FSTL5: variants seen among roughly 807,000 people sequenced by gnomAD.
FSTL5 encodes follistatin-related protein 5.
In FSTL5, 62 loss-of-function variants were observed where a neutral mutation model predicts 89.1. That is an observed-to-expected ratio of 0.70 (90% CI 0.57 to 0.86). The LOEUF is 0.86. Among genes scored for constraint, FSTL5 ranks in the 40% least tolerant of loss-of-function variants. The pLI, the probability that FSTL5 is intolerant of heterozygous loss-of-function variation, is 0.00. For missense variants in FSTL5, 1,057 were observed against 1,001.6 expected, an observed-to-expected ratio of 1.06 and a Z score of -0.75; for synonymous variants, 383 against 346.2, an observed-to-expected ratio of 1.11 and a Z score of -1.18.
At chr4:161,398,443 A>G (rs1218946308) in intron 15 of FSTL5, among the ~76,000 whole-genome samples, 3 of 152,132 alleles carry the variant, frequency 2.0e-5, no homozygotes, top group African/African-American at 7.2e-5. Flanking sequence ...TAATTGCTTC[A>G]GTAAATAATC....
chr4:161,522,431 A>C (rs16999327), intron 10 of FSTL5, among the ~76,000 whole-genome samples: 4 of 152,118 alleles, frequency 2.6e-5, no homozygotes, highest in Admixed American at 2.0e-4. Flanking sequence ...CAAGACTTTG[A>C]GAATAGGATA....
intron 7 of FSTL5, among the ~76,000 whole-genome samples, chr4:161,614,626 C>A (rs966535236): frequency 1.3e-5 from 2 of 152,146 alleles, no homozygotes; most frequent in African/African-American, 4.8e-5. Flanking sequence ...TTGCATGATA[C>A]ATGCACATGA....
At chr4:161,761,957 A>G (rs573780360) in intron 5 of FSTL5, among the ~76,000 whole-genome samples, 2 of 152,254 alleles carry the variant, frequency 1.3e-5, no homozygotes, top group Non-Finnish European at 2.9e-5. Flanking sequence ...CCTGAGGGGA[A>G]GCTTTGTCAC....
intron 2 of FSTL5, among the ~76,000 whole-genome samples, chr4:162,094,240 A>G (rs979319607): frequency 3.3e-5 from 5 of 152,102 alleles, no homozygotes; most frequent in Admixed American, 2.0e-4. Flanking sequence ...ACAAAAAATT[A>G]GCTGGGCGTG....
intron 15 of FSTL5, among the ~76,000 whole-genome samples, chr4:161,451,929 G>C (rs1465277920): frequency 6.6e-6 from 1 of 152,150 alleles, no homozygotes; most frequent in Non-Finnish European, 1.5e-5. Flanking sequence ...GTGTCAAGAA[G>C]CTTTTCAGAC....
intron 3 of FSTL5, among the ~76,000 whole-genome samples, chr4:162,006,109 ATAT>A (rs1418384660): frequency 2.0e-5 from 3 of 151,934 alleles, no homozygotes; most frequent in Non-Finnish European, 2.9e-5. Flanking sequence ...TTTTTTTAAA[ATAT>A]TATAAGTAAG....
In FSTL5 at chr4:161,511,720, T is replaced by A. The variant is rs147339195; in HGVS notation, c.1313-1296A>T. Among the ~76,000 whole-genome samples the A allele has an allele frequency of 2.6e-4, 39 of 152,092 alleles. 3 individuals carry two copies. In the East Asian group the frequency reaches 7.3e-3, roughly 29 times the overall value. ...GACAAATCTTATTCTCAAGGAGAGGTTATAGACATAGGAGGAAAGAGAACA... is the reference window on the plus strand; with the variant it reads ...GACAAATCTTATTCTCAAGGAGAGGATATAGACATAGGAGGAAAGAGAACA... On this transcript the variant is annotated intron_variant, in intron 10 of 15. Transcript: ENST00000306100.
chr4:161,959,816 T>C (rs540136336), intron 3 of FSTL5, among the ~76,000 whole-genome samples: 5 of 152,124 alleles, frequency 3.3e-5, no homozygotes, highest in Non-Finnish European at 7.4e-5. Context: ...AATTAGCCTT[T>C]AATACAAACA....
At chr4:161,814,742 C>G (rs1415191487) in intron 4 of FSTL5, among the ~76,000 whole-genome samples, 1 of 152,058 alleles carries the variant, frequency 6.6e-6, no homozygotes, top group Admixed American at 6.6e-5. Context: ...TATCTCATAT[C>G]CTGCTGCCAA....
intron 6 of FSTL5, among the ~76,000 whole-genome samples, chr4:161,665,391 G>A (rs997628195): frequency 2.6e-5 from 4 of 151,898 alleles, no homozygotes; most frequent in African/African-American, 4.8e-5. Flanking sequence ...CCGCTACCTC[G>A]CCTGGCTAAT....
chr4:161,779,239 A>C (rs1741532319), intron 4 of FSTL5, among the ~76,000 whole-genome samples: 1 of 152,308 alleles, frequency 6.6e-6, no homozygotes, highest in South Asian at 2.1e-4. Flanking sequence ...CCAGTCCAGA[A>C]ATTGGGGTAG....
chr4:161,757,684 T>C (rs1740626057), intron 6 of FSTL5, among the ~76,000 whole-genome samples: 1 of 152,188 alleles, frequency 6.6e-6, no homozygotes, highest in African/African-American at 2.4e-5. Flanking sequence ...AATTGCGTGA[T>C]CTTGGCTCAC....
In FSTL5 at chr4:161,660,151, T is replaced by A. The variant is rs545924469; in HGVS notation, c.728-3657A>T. Among the ~76,000 whole-genome samples the A allele has an allele frequency of 2.0e-5, 3 of 152,318 alleles. No homozygotes were observed. The East Asian group carries it at 5.8e-4, about 29-fold the overall frequency. On this transcript the variant is annotated intron_variant, in intron 6 of 15. Coordinates refer to ENST00000306100, the MANE Select transcript of FSTL5 (RefSeq NM_020116.5). ...TTAATGATTTTTTTCTGATCTCACA[T>A]TATGAGGACTATTACTACCTTTTTA...
At chr4:161,721,917 T>G (rs1203325007) in intron 6 of FSTL5, among the ~76,000 whole-genome samples, 1 of 152,170 alleles carries the variant, frequency 6.6e-6, no homozygotes, top group African/African-American at 2.4e-5. Context: ...TAGGTATCAT[T>G]GTAGTGGTGA....
At chr4:161,543,171 C>A (rs1346580178) in intron 8 of FSTL5, among the ~76,000 whole-genome samples, 1 of 151,752 alleles carries the variant, frequency 6.6e-6, no homozygotes, top group East Asian at 1.9e-4. Flanking sequence ...ATTAATAATT[C>A]TGTTTACAAT....
At chr4:162,149,538 G>A (rs1733145280) in intron 1 of FSTL5, among the ~76,000 whole-genome samples, 1 of 151,806 alleles carries the variant, frequency 6.6e-6, no homozygotes, top group African/African-American at 2.4e-5. Flanking sequence ...CTACTTGAAG[G>A]GCTAATGTGC....
chr4:161,946,333 A>G (rs1478827614), intron 3 of FSTL5, among the ~76,000 whole-genome samples: 1 of 152,194 alleles, frequency 6.6e-6, no homozygotes, highest in Admixed American at 6.5e-5. Flanking sequence ...AGAAGACATG[A>G]AACTTTAACA....
intron 4 of FSTL5, among the ~76,000 whole-genome samples, chr4:161,915,969 C>G (rs1166027625): frequency 6.6e-6 from 1 of 151,400 alleles, no homozygotes; most frequent in East Asian, 1.9e-4. Context: ...ATATATCTGG[C>G]AGCCAGTTTT....
At chr4:161,550,584 TA>T in intron 8 of FSTL5, among the ~76,000 whole-genome samples, 1 of 148,900 alleles carries the variant, frequency 6.7e-6, no homozygotes, top group Non-Finnish European at 1.5e-5. Context: ...TTTATTTATT[TA>T]TTTATTTATT....
Sources: allele counts gnomAD v4.1 joint callset (sites outside exome capture counted in the v4.1 genomes callset), GRCh38; gene constraint gnomAD v4.1.1; transcripts MANE v1.5; gene names NCBI Gene and HGNC (gene_info 2026-07-23, HGNC 2026-07-21).